VPS26C: variants seen among roughly 807,000 people sequenced by gnomAD.
VPS26C encodes the protein VPS26 endosomal protein sorting factor C.
A neutral mutation model predicts 30.6 loss-of-function variants in VPS26C; 19 were observed. The ratio of observed to expected loss-of-function variants is 0.62; its 90% CI spans 0.43 to 0.91. The LOEUF is 0.91. VPS26C is among the 40% of genes least tolerant of loss of function. The pLI is 0.00. For synonymous variants in VPS26C, 132 were observed against 151.5 expected (o/e 0.87, Z 0.95); for missense variants, 318 against 385.1 (o/e 0.83, Z 1.46).
intron 1 of VPS26C, 25 bp downstream of exon 1, chr21:37,267,213 A>AAGCCCCCCCC: frequency 2.4e-6 from 1 of 415,812 alleles, no homozygotes; most frequent in Non-Finnish European, 4.6e-6. Context: ...CCCCACCTCC[A>AAGCCCCCCCC]TCCCCACCCC....
intron 7 of VPS26C, chr21:37,227,347 A>G (rs1000269756): frequency 1.8e-5 from 6 of 335,882 alleles, no homozygotes; most frequent in South Asian, 5.0e-5. Context: ...ATGTCTACAC[A>G]GAGCTCAGCG....
intron 1 of VPS26C, among the ~76,000 whole-genome samples, chr21:37,266,412 T>C (rs1387907817): frequency 6.6e-6 from 1 of 152,204 alleles, no homozygotes; most frequent in Admixed American, 6.5e-5. Context: ...CCAAAGAGTG[T>C]TGGGGCTGTG....
At position 37,224,274 on chromosome 21, in the gene VPS26C, G is replaced by C. The variant is rs1038341060; in HGVS notation, c.*1270C>G. 1 of 152,328 alleles carries C rather than the reference G, an allele frequency of 6.6e-6. No individual in the cohort carries two copies. Among genetic ancestry groups the C allele is most frequent in the African/African-American group, 2.4e-5 (1 of 41,458 alleles). 9.4% of individuals were successfully genotyped at this position (152,328 alleles called of 1,614,324 possible). ...CTGCTGGGCACAGTGGCTCACACCT[G>C]TAATCTCAGCACTTTGGGAGGCCAA... On this transcript the variant is annotated 3_prime_UTR_variant, in exon 8 of 8. Coordinates refer to ENST00000309117, the MANE Select transcript of VPS26C (RefSeq NM_006052.2).
chr21:37,262,768 A>T lies in VPS26C; in HGVS notation c.57+4470T>A, dbSNP rs1265564249. On this transcript the variant is annotated intron_variant, in intron 1 of 7. Transcript: ENST00000309117. ...TTTTACCTTCTTCTGTAGCACGTTAATTTTTTTTTTTTTTTTTGAGACAGA... is the reference window on the plus strand; with the variant it reads ...TTTTACCTTCTTCTGTAGCACGTTATTTTTTTTTTTTTTTTTTGAGACAGA... Among the ~76,000 whole-genome samples, 1,326 of 141,400 alleles carry T rather than the reference A, an allele frequency of 9.4e-3. 17 individuals are homozygous for T. Among genetic ancestry groups the T allele is most frequent in the African/African-American group, 0.032 (1,250 of 38,558 alleles). The allele number at this position is 141,400 out of a possible 152,430, so 92.8% of individuals were successfully genotyped here. A position where few individuals can be genotyped will look rare whatever the true frequency, so the allele number is the denominator to read the frequency against.
At chr21:37,258,041 C>T (rs1215567964) in intron 1 of VPS26C, among the ~76,000 whole-genome samples, 1 of 152,220 alleles carries the variant, frequency 6.6e-6, no homozygotes, top group Admixed American at 6.5e-5. Flanking sequence ...AGAGACTAAG[C>T]GGCCACAGCA....
At chr21:37,235,292 C>T (rs2086008414) in intron 3 of VPS26C, among the ~76,000 whole-genome samples, 1 of 152,156 alleles carries the variant, frequency 6.6e-6, no homozygotes, top group East Asian at 1.9e-4. Flanking sequence ...GCCACCGTGC[C>T]TGGCCTAATT....
intron 1 of VPS26C, among the ~76,000 whole-genome samples, chr21:37,252,330 T>C (rs548371574): frequency 6.6e-6 from 1 of 152,284 alleles, no homozygotes; most frequent in South Asian, 2.1e-4. Context: ...GGTATCCCCA[T>C]CTCCACTATT....
upstream of VPS26C, chr21:37,267,458 G>A (rs377485760): frequency 1.5e-3 from 703 of 481,198 alleles, 9 homozygotes; most frequent in African/African-American, 0.044. Flanking sequence ...TCCGAGGGGC[G>A]AATGCCCACG....
chr21:37,267,007 G>C, intron 1 of VPS26C: 2 of 572,606 alleles, frequency 3.5e-6, no homozygotes, highest in Non-Finnish European at 6.2e-6. Flanking sequence ...ACGTCCCGCA[G>C]ATGCGGCGGC....
intron 5 of VPS26C, 190 bp from the exon 6 acceptor site, chr21:37,228,563 G>A (rs1569230858): frequency 5.1e-6 from 3 of 587,770 alleles, no homozygotes; most frequent in South Asian, 4.0e-5. Context: ...ATTATTCAAC[G>A]ACTCTCTACA....
intron 3 of VPS26C, 23 bp downstream of exon 3, chr21:37,238,437 G>A (rs774113251): frequency 1.7e-5 from 27 of 1,607,368 alleles, no homozygotes; most frequent in Admixed American, 5.1e-5. Context: ...GAAGTCAGTC[G>A]CGTAGGACTA....
intron 3 of VPS26C, among the ~76,000 whole-genome samples, chr21:37,237,036 C>T (rs2086032724): frequency 6.6e-6 from 1 of 152,190 alleles, no homozygotes; most frequent in South Asian, 2.1e-4. Context: ...CTGCCATGGC[C>T]TCCCAAAGTG....
chr21:37,225,667 C>T (rs1425817026), intron 7 of VPS26C, 41 bp from the exon 8 acceptor site: 6 of 1,550,870 alleles, frequency 3.9e-6, no homozygotes, highest in Non-Finnish European at 5.3e-6. Flanking sequence ...TCACTGTTAC[C>T]AAGCAGCGAA....
At chr21:37,241,459 G>A (rs1447129229) in intron 1 of VPS26C, among the ~76,000 whole-genome samples, 1 of 152,150 alleles carries the variant, frequency 6.6e-6, no homozygotes, top group Non-Finnish European at 1.5e-5. Flanking sequence ...GAGTGGAAGA[G>A]GAAATTGAGG....
intron 5 of VPS26C, chr21:37,230,501 A>G (rs2085950220): frequency 1.3e-5 from 2 of 152,272 alleles, no homozygotes; most frequent in Admixed American, 6.5e-5. Flanking sequence ...AAGCAAAACA[A>G]AAAACCACCA....
Position 37,238,611 on chromosome 21 carries a change from T to C in VPS26C, c.202-2A>G. 1.2e-6 allele frequency: 2 copies of C among 1,613,548 alleles called. No individual in the cohort carries two copies. Among genetic ancestry groups the C allele is most frequent in the Non-Finnish European group, 1.7e-6 (2 of 1,179,798 alleles). ...GGTGCTGTTGATAATCTGGATAGGC[T>C]GTAAACAAAAATCAGTTCAGTCCAT... On this transcript the variant is annotated splice_acceptor_variant, in intron 2 of 7. Coordinates refer to ENST00000309117, the MANE Select transcript of VPS26C (RefSeq NM_006052.2). LOFTEE classifies it high-confidence loss of function.
At position 37,257,184 on chromosome 21, in the gene VPS26C, TAGGA is replaced by T. The variant is rs2086252311; in HGVS notation, c.57+10050_57+10053del. On this transcript the variant is annotated intron_variant, in intron 1 of 7. Coordinates refer to ENST00000309117, the MANE Select transcript of VPS26C (RefSeq NM_006052.2). This position sits in a 1 kb window ranked among gnomAD's most constrained non-coding sequence, Gnocchi z 4.2. ...AAAAAAAAGCAAATATATGTAAAAA[TAGGA>T]AGTGCGGTTTCCCAAAATGAGGTCT... Among the ~76,000 whole-genome samples the T allele has an allele frequency of 6.6e-6, 1 of 152,010 alleles. No individual in the cohort carries two copies. The highest frequency in any genetic ancestry group is 2.1e-4 in the South Asian group (1 of 4,828).
intron 1 of VPS26C, among the ~76,000 whole-genome samples, chr21:37,262,128 T>C (rs973657599): frequency 3.3e-5 from 5 of 152,058 alleles, no homozygotes; most frequent in African/African-American, 1.2e-4. Context: ...TCAACCTAAG[T>C]CACATTAAAA....
intron 1 of VPS26C, among the ~76,000 whole-genome samples, chr21:37,265,630 TA>T (rs1485625875): frequency 5.3e-5 from 8 of 152,238 alleles, no homozygotes; most frequent in African/African-American, 1.9e-4. Context: ...ATCTCGCCTT[TA>T]TTTTTTGACA....
Sources: gnomAD v4.1 joint callset for allele counts (sites outside exome capture counted in the v4.1 genomes callset) on GRCh38, gnomAD v4.1.1 for gene constraint, Gnocchi (gnomAD v3.1) non-coding constraint, MANE v1.5 for transcripts, NCBI Gene and HGNC (gene_info 2026-07-23, HGNC 2026-07-21) for gene names.